Variants in LRRC17 observed in about 807,000 individuals in gnomAD.
LRRC17 encodes leucine rich repeat containing 17, also known as leucine-rich repeat-containing protein 17.
A neutral mutation model predicts 41.5 loss-of-function variants in LRRC17; 33 were observed. The observed-to-expected ratio is 0.80, with a 90% CI of 0.60 to 1.06. The LOEUF is 1.06. LRRC17 is among the 50% of genes least tolerant of loss of function. LRRC17 has a pLI of 0.00. For missense variants in LRRC17, 491 were observed against 519.3 expected, an observed-to-expected ratio of 0.95 and a Z score of 0.53; for synonymous variants, 192 against 197.0, an observed-to-expected ratio of 0.97 and a Z score of 0.21.
intron 1 of LRRC17, among the ~76,000 whole-genome samples, chr7:102,928,818 G>C (rs1022976333): frequency 1.3e-5 from 2 of 152,204 alleles, no homozygotes; most frequent in Non-Finnish European, 2.9e-5. Flanking sequence ...GAATGTAGTA[G>C]TCAAGATTTA....
intron 1 of LRRC17, chr7:102,931,914 T>C (rs764607975): frequency 4.3e-6 from 7 of 1,613,578 alleles, no homozygotes; most frequent in Non-Finnish European, 5.9e-6. Flanking sequence ...CATTCAACTC[T>C]TGCAAGTTCC....
At chr7:102,926,185 G>GGAGCACTGCCCTTGCA (rs1818095881) in intron 1 of LRRC17, 1 of 1,045,030 alleles carries the variant, frequency 9.6e-7, no homozygotes, top group South Asian at 1.5e-5. Context: ...GTTGATAAAG[G>GGAGCACTGCCCTTGCA]GAGCACTGCC....
At chr7:102,931,266 A>T (rs6958533) in intron 1 of LRRC17, among the ~76,000 whole-genome samples, 3 of 152,320 alleles carry the variant, frequency 2.0e-5, no homozygotes, top group African/African-American at 7.2e-5. Flanking sequence ...AGAAACTGAA[A>T]CAAGTGAGGC....
chr7:102,921,721 G>A (rs527875461), intron 1 of LRRC17, among the ~76,000 whole-genome samples: 1 of 152,170 alleles, frequency 6.6e-6, no homozygotes, highest in East Asian at 1.9e-4. Flanking sequence ...TCTGTTTTAA[G>A]CATCCACGGA....
chr7:102,915,426 A>G (rs1563084357), intron 1 of LRRC17, among the ~76,000 whole-genome samples: 2 of 152,002 alleles, frequency 1.3e-5, no homozygotes, highest in Non-Finnish European at 2.9e-5. Context: ...AATGAAATGG[A>G]TACTTATCTC....
At position 102,934,026 on chromosome 7, in the gene LRRC17, G is replaced by A; in HGVS notation, c.113G>A (p.Gly38Asp). 1 of 1,614,076 alleles carries A rather than the reference G, an allele frequency of 6.2e-7. No individual in the cohort carries two copies. ...SRVNHGRAGGGRRGSNPVKRY... is the reference protein window; with the variant it reads ...SRVNHGRAGGDRRGSNPVKRY... ...GTGAATCATGGCCGGGCGGGTGGAGGCCGGAGAGGCTCCAACCCGGTCAAA... is the reference window on the plus strand; with the variant it reads ...GTGAATCATGGCCGGGCGGGTGGAGACCGGAGAGGCTCCAACCCGGTCAAA... Residue 38 changes from glycine to aspartate, a missense_variant, in exon 2 of 4, where the codon GGC becomes GAC. Transcript: ENST00000339431.
chr7:102,933,661 C>T (rs1819660740), intron 1 of LRRC17, 113 bp from the exon 2 acceptor site: 3 of 284,120 alleles, frequency 1.1e-5, no homozygotes, highest in Non-Finnish European at 2.0e-5. Context: ...CTTTCTACGT[C>T]ACTGTTCTGT....
chr7:102,942,292 T>C (rs776510100), intron 3 of LRRC17: 1 of 1,598,446 alleles, frequency 6.3e-7, no homozygotes, highest in Non-Finnish European at 8.5e-7. Context: ...TATTTCAGGG[T>C]CTTTGAGATG....
Position 102,939,604 on chromosome 7 carries a change from C to T in LRRC17, c.928+19C>T. The T allele has an allele frequency of 3.1e-6, 5 of 1,592,286 alleles. No homozygotes were observed. Among genetic ancestry groups the T allele is most frequent in the Non-Finnish European group, 4.3e-6 (5 of 1,169,520 alleles). Reference sequence around the variant, plus strand: ...GATCCTGGTAAGTTCCCCTGTATAGCCCCTTCAATGGGTGGCAAGTGTTCT... The same window carrying T: ...GATCCTGGTAAGTTCCCCTGTATAGTCCCTTCAATGGGTGGCAAGTGTTCT... On this transcript the variant is annotated intron_variant, in intron 3 of 3. Transcript: ENST00000339431.
At chr7:102,922,228 T>C (rs1387255159) in intron 1 of LRRC17, among the ~76,000 whole-genome samples, 5 of 151,506 alleles carry the variant, frequency 3.3e-5, no homozygotes, top group African/African-American at 1.2e-4. Context: ...TAAATAAACA[T>C]TACTGAGTGA....
chr7:102,930,060 T>C (rs1306747078), intron 1 of LRRC17, among the ~76,000 whole-genome samples: 1 of 151,856 alleles, frequency 6.6e-6, no homozygotes, highest in Non-Finnish European at 1.5e-5. Flanking sequence ...TTTAGGCAGA[T>C]GGAAAAACAA....
intron 1 of LRRC17, among the ~76,000 whole-genome samples, chr7:102,919,145 G>A (rs970436179): frequency 2.0e-5 from 3 of 152,202 alleles, no homozygotes; most frequent in Admixed American, 6.5e-5. Context: ...GCTTAAAATC[G>A]GCCACAGTGG....
chr7:102,929,291 T>C (rs989031559), intron 1 of LRRC17, among the ~76,000 whole-genome samples: 2 of 152,200 alleles, frequency 1.3e-5, no homozygotes, highest in Non-Finnish European at 2.9e-5. Flanking sequence ...GAGATACATA[T>C]GTAAACATAA....
intron 1 of LRRC17, among the ~76,000 whole-genome samples, chr7:102,922,102 C>T (rs929452952): frequency 4.6e-5 from 7 of 151,576 alleles, no homozygotes; most frequent in African/African-American, 1.7e-4. Context: ...AGGCAGGAGA[C>T]TTGCTTGAGC....
intron 1 of LRRC17, among the ~76,000 whole-genome samples, chr7:102,929,460 G>C (rs1331296552): frequency 1.3e-5 from 2 of 151,904 alleles, no homozygotes; most frequent in Non-Finnish European, 2.9e-5. Flanking sequence ...TCAGGAGTTC[G>C]AGACCAGCCT....
At chr7:102,919,844 G>T (rs544127114) in intron 1 of LRRC17, among the ~76,000 whole-genome samples, 4 of 152,088 alleles carry the variant, frequency 2.6e-5, no homozygotes, top group African/African-American at 7.2e-5. Context: ...TATATTTCCA[G>T]TTATCATCAG....
At chr7:102,934,754 C>T in intron 2 of LRRC17, 69 bp downstream of exon 2, 1 of 1,300,932 alleles carries the variant, frequency 7.7e-7, no homozygotes, top group Non-Finnish European at 1.1e-6. Context: ...TATAATCCTC[C>T]CTACATCCCA....
rs547231397 is a variant in LRRC17, at chr7:102,925,873, G to A, written c.-140-7901G>A. On this transcript the variant is annotated intron_variant, in intron 1 of 3. Coordinates refer to ENST00000339431, the MANE Select transcript of LRRC17 (RefSeq NM_001031692.3). ...TGAGAATCGCTTGGACCCGGGAGGC[G>A]TAGGTTGCCATGAGCTAAGATCATG... 4.0e-5 allele frequency among the ~76,000 whole-genome samples: 6 copies of A among 150,808 alleles called. No individual in the cohort carries two copies. The South Asian group carries it at 1.1e-3, about 27-fold the overall frequency.
chr7:102,926,322 T>C, intron 1 of LRRC17: 5 of 1,613,932 alleles, frequency 3.1e-6, no homozygotes, highest in East Asian at 2.2e-5. Flanking sequence ...GTTAGACAGA[T>C]TGAGACACAG....
Sources: allele counts gnomAD v4.1 joint callset (sites outside exome capture counted in the v4.1 genomes callset), GRCh38; gene constraint gnomAD v4.1.1; transcripts MANE v1.5; gene names NCBI Gene and HGNC (gene_info 2026-07-23, HGNC 2026-07-21).